ZNF722: variants seen among roughly 807,000 people sequenced by gnomAD.
ZNF722 encodes zinc finger protein 479 pseudogene.
the ZNF722 span, chr7:64,015,308 A>C: frequency 7.7e-7 from 1 of 1,295,702 alleles, no homozygotes; most frequent in East Asian, 2.4e-5. Context: ...GATATACTGG[A>C]AAGAAACATT....
At chr7:64,004,856 T>C in the ZNF722 span, among the ~76,000 whole-genome samples, 1 of 152,302 alleles carries the variant, frequency 6.6e-6, no homozygotes, top group Admixed American at 6.5e-5. Context: ...GAAACATTGG[T>C]GAGCTTGCTA....
chr7:64,007,160 G>C, the ZNF722 span, among the ~76,000 whole-genome samples: 14 of 147,882 alleles, frequency 9.5e-5, no homozygotes, highest in Non-Finnish European at 1.9e-4. Context: ...ATTTTGTTTC[G>C]CATTTTTCTA....
At chr7:64,006,655 G>A in the ZNF722 span, among the ~76,000 whole-genome samples, 17 of 152,164 alleles carry the variant, frequency 1.1e-4, no homozygotes, top group African/African-American at 3.4e-4. Context: ...GAAACTCTAC[G>A]TTAAACTATT....
At chr7:64,013,238 A>G in the ZNF722 span, among the ~76,000 whole-genome samples, 1 of 152,040 alleles carries the variant, frequency 6.6e-6, no homozygotes, top group Non-Finnish European at 1.5e-5. Context: ...CTTAATGTTT[A>G]TAATTTTATG....
the ZNF722 span, chr7:63,998,981 C>A: frequency 1.3e-6 from 2 of 1,579,238 alleles, no homozygotes; most frequent in Non-Finnish European, 1.7e-6. Context: ...AGACCGGGAT[C>A]CCCTGGAAGC....
At chr7:64,003,912 C>T in the ZNF722 span, among the ~76,000 whole-genome samples, 1 of 146,772 alleles carries the variant, frequency 6.8e-6, no homozygotes, top group South Asian at 2.2e-4. Context: ...TCTATTAGTT[C>T]CATGCAGGAC....
chr7:64,016,303 G>A, the ZNF722 span, among the ~76,000 whole-genome samples: 1 of 151,940 alleles, frequency 6.6e-6, no homozygotes, highest in African/African-American at 2.4e-5. Flanking sequence ...CACACTGGCT[G>A]ATTTTTGCAT....
At chr7:64,012,481 T>C in the ZNF722 span, among the ~76,000 whole-genome samples, 1 of 152,208 alleles carries the variant, frequency 6.6e-6, no homozygotes, top group Non-Finnish European at 1.5e-5. Flanking sequence ...TTTTTGTTGA[T>C]GTGGATGCTA....
chr7:64,010,497 T>C, the ZNF722 span, among the ~76,000 whole-genome samples: 4 of 152,206 alleles, frequency 2.6e-5, no homozygotes, highest in African/African-American at 7.2e-5. Context: ...CATTTCGTTA[T>C]GTACCCAGTA....
the ZNF722 span, among the ~76,000 whole-genome samples, chr7:64,006,776 T>A: frequency 1.3e-5 from 2 of 152,214 alleles, no homozygotes; most frequent in East Asian, 3.9e-4. Flanking sequence ...TACTATAGCC[T>A]TGAAATATAA....
the ZNF722 span, among the ~76,000 whole-genome samples, chr7:64,002,831 A>G: frequency 2.0e-5 from 3 of 152,210 alleles, no homozygotes; most frequent in South Asian, 2.1e-4. Context: ...AAAAAAGCCA[A>G]CAAAAAATAT....
chr7:64,000,126 T>G, the ZNF722 span, among the ~76,000 whole-genome samples: 3,965 of 77,754 alleles, frequency 0.051, 126 homozygotes, highest in South Asian at 0.18. Context: ...TTACTTTTTT[T>G]TTTTTTTGTG....
chr7:64,017,175 G>A, the ZNF722 span, among the ~76,000 whole-genome samples: 5 of 152,162 alleles, frequency 3.3e-5, no homozygotes, highest in African/African-American at 9.7e-5. Flanking sequence ...CATGAGATCA[G>A]GAGTTCAAGA....
chr7:64,010,471 T>C, the ZNF722 span, among the ~76,000 whole-genome samples: 1 of 152,186 alleles, frequency 6.6e-6, no homozygotes. Context: ...TCAAAGAACA[T>C]CTTTATTTCT....
the ZNF722 span, chr7:64,015,548 A>C: frequency 2.5e-6 from 4 of 1,613,506 alleles, no homozygotes; most frequent in South Asian, 4.4e-5. Context: ...GACATAAGAG[A>C]ATTCATACTG....
chr7:64,016,835 C>T, the ZNF722 span, among the ~76,000 whole-genome samples: 1 of 152,116 alleles, frequency 6.6e-6, no homozygotes, highest in Non-Finnish European at 1.5e-5. Context: ...GGAAATCATA[C>T]TGGTGAGAAA....
chr7:64,004,422 A>AT, the ZNF722 span, among the ~76,000 whole-genome samples: 369 of 88,060 alleles, frequency 4.2e-3, 3 homozygotes, highest in African/African-American at 0.014. Flanking sequence ...AAAAAAAAAA[A>AT]AAAATATATA....
chr7:64,005,783 C>T, the ZNF722 span: 2 of 1,426,020 alleles, frequency 1.4e-6, no homozygotes, highest in South Asian at 1.3e-5. Flanking sequence ...TTGCCTTTCT[C>T]TCTTTTCTAA....
the ZNF722 span, chr7:63,998,994 A>G: frequency 6.3e-7 from 1 of 1,576,170 alleles, no homozygotes; most frequent in African/African-American, 1.3e-5. Flanking sequence ...CTGGAAGCCG[A>G]GAAATGGTGA....
Sources: allele counts gnomAD v4.1 joint callset (sites outside exome capture counted in the v4.1 genomes callset), GRCh38; gene constraint gnomAD v4.1.1; transcripts MANE v1.5; gene names NCBI Gene and HGNC (gene_info 2026-07-23, HGNC 2026-07-21).